The following SHISA9 variants were observed in gnomAD, a reference collection of about 807,000 sequenced individuals.
SHISA9 encodes protein shisa-9.
SHISA9 carries 13 observed loss-of-function variants against 38.0 expected under a neutral mutation model. That is an observed-to-expected ratio of 0.34 (90% CI 0.22 to 0.54). The LOEUF is 0.54. Ranked by LOEUF, SHISA9 falls within the 20% of genes least tolerant of loss-of-function variation. SHISA9 has a pLI of 0.91. For missense variants in SHISA9, 538 were observed against 575.8 expected (o/e 0.93, Z 0.67); for synonymous variants, 275 against 242.0 (o/e 1.14, Z -1.27).
the SHISA9 span, among the ~76,000 whole-genome samples, chr16:13,393,927 CT>C: frequency 6.6e-6 from 1 of 152,174 alleles, no homozygotes; most frequent in African/African-American, 2.4e-5. Context: ...CCATTCTTTC[CT>C]CTTTCCCTGA....
the SHISA9 span, among the ~76,000 whole-genome samples, chr16:13,353,937 C>G: frequency 3.2e-4 from 48 of 152,100 alleles, no homozygotes; most frequent in African/African-American, 1.1e-3. Flanking sequence ...GAAGGCTAAA[C>G]TGAGGAATTA....
intron 2 of SHISA9, among the ~76,000 whole-genome samples, chr16:13,091,130 A>C (rs2073770612): frequency 6.6e-6 from 1 of 151,922 alleles, no homozygotes; most frequent in Non-Finnish European, 1.5e-5. Flanking sequence ...ATTGGCCCCC[A>C]CTCTCTTCTG....
chr16:13,376,519 GT>G, the SHISA9 span, among the ~76,000 whole-genome samples: 2 of 152,242 alleles, frequency 1.3e-5, no homozygotes, highest in East Asian at 1.9e-4. Context: ...AACCAGAGCT[GT>G]TTTTTTCCAG....
chr16:13,423,236 C>T, the SHISA9 span, among the ~76,000 whole-genome samples: 2 of 152,176 alleles, frequency 1.3e-5, no homozygotes, highest in Non-Finnish European at 1.5e-5. Context: ...ATATTCCAGG[C>T]AGTACAGAAA....
At chr16:13,429,836 G>A in the SHISA9 span, among the ~76,000 whole-genome samples, 1 of 152,166 alleles carries the variant, frequency 6.6e-6, no homozygotes, top group African/African-American at 2.4e-5. Flanking sequence ...TTTACCAAAG[G>A]ATAAACAATA....
At chr16:13,442,636 T>G in the SHISA9 span, among the ~76,000 whole-genome samples, 1 of 152,068 alleles carries the variant, frequency 6.6e-6, no homozygotes, top group East Asian at 1.9e-4. Context: ...CCTGCAATAA[T>G]ATTGTACTTC....
chr16:13,071,608 TC>T lies in SHISA9; in HGVS notation c.692-131783del, dbSNP rs1372794271. ...TCCTTCCTTCCTTCCTTCCCTTTCT[TC>T]CCTTCCTTCCCTCCCTCCCTCCTTC... On this transcript the variant is annotated intron_variant, in intron 2 of 4. Transcript: ENST00000558583. Among the ~76,000 whole-genome samples, 5 of 128,688 alleles carry T rather than the reference TC, an allele frequency of 3.9e-5. No individual in the cohort carries two copies. In the South Asian group the frequency reaches 7.0e-4, roughly 18 times the overall value. The allele number at this position is 128,688 out of a possible 152,430, so 84.4% of individuals were successfully genotyped here.
At chr16:13,484,044 AG>A in the SHISA9 span, among the ~76,000 whole-genome samples, 4 of 152,130 alleles carry the variant, frequency 2.6e-5, no homozygotes, top group African/African-American at 9.7e-5. Flanking sequence ...GGTAGGGGTG[AG>A]GGGGCAGTCT....
intron 2 of SHISA9, among the ~76,000 whole-genome samples, chr16:13,105,755 A>T (rs929621605): frequency 1.2e-4 from 18 of 151,978 alleles, no homozygotes; most frequent in African/African-American, 4.1e-4. Flanking sequence ...GGGCTGACAG[A>T]CTCCATCCTT....
rs982423231 is a variant in SHISA9 at position 12,902,540 on chromosome 16, G to T, written c.476G>T (p.Gly159Val). The change falls in exon 1 of 5, where the codon GGG becomes GTG. Residue 159 changes from glycine to valine, a missense_variant. Transcript: ENST00000558583. ...KTNLIVYIIC[G>V]VVAVMVLVGI... ...AACCTGATCGTCTACATCATCTGCGGGGTGGTGGCCGTCATGGTGCTCGTG... is the reference window on the plus strand; with the variant it reads ...AACCTGATCGTCTACATCATCTGCGTGGTGGTGGCCGTCATGGTGCTCGTG... The T allele has an allele frequency of 6.4e-7, 1 of 1,551,376 alleles. No homozygotes were observed. Among genetic ancestry groups the T allele is most frequent in the Admixed American group, 2.0e-5 (1 of 51,006 alleles).
At chr16:13,062,999 T>A (rs2073393463) in intron 2 of SHISA9, among the ~76,000 whole-genome samples, 1 of 137,642 alleles carries the variant, frequency 7.3e-6, no homozygotes, top group Admixed American at 7.2e-5. Flanking sequence ...CTATCTCAGT[T>A]TCTTTTCTTT....
chr16:13,324,931 C>T, the SHISA9 span, among the ~76,000 whole-genome samples: 1 of 152,182 alleles, frequency 6.6e-6, no homozygotes, highest in Non-Finnish European at 1.5e-5. Flanking sequence ...TCAAAGTTTT[C>T]CTGATTGGAT....
At chr16:13,362,845 T>C in the SHISA9 span, among the ~76,000 whole-genome samples, 64 of 152,344 alleles carry the variant, frequency 4.2e-4, no homozygotes, top group Non-Finnish European at 7.9e-4. Context: ...CCTTGTTTTT[T>C]TCAAAGTCCA....
chr16:13,240,575 T>A (rs1323257762), downstream of SHISA9, among the ~76,000 whole-genome samples: 2 of 152,200 alleles, frequency 1.3e-5, no homozygotes, highest in Admixed American at 1.3e-4. Flanking sequence ...CAGCAACATA[T>A]ACACATTTTC....
intron 2 of SHISA9, among the ~76,000 whole-genome samples, chr16:13,059,286 C>T (rs1016822851): frequency 2.0e-5 from 3 of 151,920 alleles, no homozygotes; most frequent in Non-Finnish European, 4.4e-5. Flanking sequence ...CGCCACCATG[C>T]CTGGCTAATT....
the SHISA9 span, among the ~76,000 whole-genome samples, chr16:13,468,306 A>G: frequency 6.6e-6 from 1 of 152,192 alleles, no homozygotes; most frequent in Non-Finnish European, 1.5e-5. Context: ...ATTGGTGCCC[A>G]GGGAGAGGGG....
chr16:12,948,868 ATT>A (rs559877670), intron 2 of SHISA9, among the ~76,000 whole-genome samples: 155 of 152,328 alleles, frequency 1.0e-3, no homozygotes, highest in South Asian at 1.7e-3. Flanking sequence ...TGCACCATGC[ATT>A]TTTGTCTTAT....
chr16:13,285,424 A>T, the SHISA9 span, among the ~76,000 whole-genome samples: 1 of 149,928 alleles, frequency 6.7e-6, no homozygotes, highest in Non-Finnish European at 1.5e-5. Context: ...TTGGCAATGA[A>T]TGCAGATTTA....
At chr16:13,099,452 TG>T (rs1472530623) in intron 2 of SHISA9, among the ~76,000 whole-genome samples, 6 of 152,036 alleles carry the variant, frequency 3.9e-5, no homozygotes, top group African/African-American at 1.4e-4. Flanking sequence ...AGGGTAGAAT[TG>T]TAGTTCTGAG....
Sources: gnomAD v4.1 joint callset for allele counts (sites outside exome capture counted in the v4.1 genomes callset) on GRCh38, gnomAD v4.1.1 for gene constraint, MANE v1.5 for transcripts, NCBI Gene and HGNC (gene_info 2026-07-23, HGNC 2026-07-21) for gene names.